RYR2: variants seen among roughly 807,000 people sequenced by gnomAD.
The protein encoded by RYR2 is ryanodine receptor 2.
Under a neutral mutation model 601.1 loss-of-function variants are expected in RYR2, and 227 were observed. The observed-to-expected ratio is 0.38, with a 90% CI of 0.34 to 0.42. The LOEUF (loss-of-function observed/expected upper bound fraction) is 0.42, where lower values mean the gene tolerates loss of function less well. RYR2 is among the 10% of genes least tolerant of loss of function. The pLI is 1.00. For synonymous variants in RYR2, 2,223 were observed against 2,175.1 expected (o/e 1.02, Z -0.61); for missense variants, 4,646 against 6,156.5 (o/e 0.75, Z 8.21).
At chr1:237,256,225 C>A (rs145714641) in intron 1 of RYR2, among the ~76,000 whole-genome samples, 2 of 152,126 alleles carry the variant, frequency 1.3e-5, no homozygotes, top group Non-Finnish European at 2.9e-5. Flanking sequence ...TGCCTGCCGC[C>A]GTGTAAGATG....
chr1:237,670,986 G>C (rs566277603), intron 58 of RYR2, among the ~76,000 whole-genome samples: 2 of 152,114 alleles, frequency 1.3e-5, no homozygotes, highest in African/African-American at 4.8e-5. Context: ...GAGCCAGATC[G>C]ATATTTTCTT....
At chr1:237,092,192 C>T (rs1667026384) in intron 1 of RYR2, among the ~76,000 whole-genome samples, 1 of 152,146 alleles carries the variant, frequency 6.6e-6, no homozygotes, top group Non-Finnish European at 1.5e-5. Context: ...AGTCTGCCCA[C>T]CCTTGGGTTA....
At chr1:237,482,434 C>G (rs909527456) in intron 17 of RYR2, among the ~76,000 whole-genome samples, 1 of 151,908 alleles carries the variant, frequency 6.6e-6, no homozygotes, top group African/African-American at 2.4e-5. Context: ...TTAGATCTCG[C>G]AAATAAGTGA....
intron 1 of RYR2, among the ~76,000 whole-genome samples, chr1:237,158,436 A>T (rs1166543668): frequency 6.6e-6 from 1 of 152,208 alleles, no homozygotes; most frequent in African/African-American, 2.4e-5. Flanking sequence ...TTCATATTTT[A>T]TCCTTTTCAT....
At chr1:237,438,295 G>A (rs116189895) in intron 12 of RYR2, among the ~76,000 whole-genome samples, 1 of 151,998 alleles carries the variant, frequency 6.6e-6, no homozygotes, top group African/African-American at 2.4e-5. Context: ...GCATTGATTT[G>A]TATTGCCTAT....
intron 1 of RYR2, among the ~76,000 whole-genome samples, chr1:237,198,693 T>A (rs1414205249): frequency 6.6e-6 from 1 of 152,124 alleles, no homozygotes; most frequent in African/African-American, 2.4e-5. Context: ...AAATAAATAA[T>A]CTTCCCATTG....
At chr1:237,131,364 G>A (rs866501384) in intron 1 of RYR2, among the ~76,000 whole-genome samples, 1 of 152,018 alleles carries the variant, frequency 6.6e-6, no homozygotes, top group African/African-American at 2.4e-5. Context: ...GGAATGTTTA[G>A]TATTCAATAA....
intron 4 of RYR2, among the ~76,000 whole-genome samples, chr1:237,357,486 T>TAAATAGC (rs912722266): frequency 1.3e-5 from 2 of 152,364 alleles, no homozygotes; most frequent in African/African-American, 4.8e-5. Context: ...ACTTACTTTG[T>TAAATAGC]AAATAGCACT....
At chr1:237,573,193 G>A (rs1244597586) in intron 29 of RYR2, among the ~76,000 whole-genome samples, 1 of 151,356 alleles carries the variant, frequency 6.6e-6, no homozygotes, top group Non-Finnish European at 1.5e-5. Flanking sequence ...TGGTAAGATG[G>A]ATAAATGTAG....
At chr1:237,374,835 A>T in intron 7 of RYR2, 40 bp downstream of exon 7, 1 of 1,516,756 alleles carries the variant, frequency 6.6e-7, no homozygotes, top group Non-Finnish European at 9.1e-7. Flanking sequence ...TTCAGAGAGA[A>T]CCCTGCAGGG....
At chr1:237,224,889 C>T (rs1180163068) in intron 1 of RYR2, among the ~76,000 whole-genome samples, 2 of 152,128 alleles carry the variant, frequency 1.3e-5, no homozygotes, top group Non-Finnish European at 2.9e-5. Flanking sequence ...TTACTATTTT[C>T]ATCCCCACTT....
At position 237,132,247 on chromosome 1, in the gene RYR2, T is replaced by C. The variant is rs539595955; in HGVS notation, c.48+89678T>C. Among the ~76,000 whole-genome samples the C allele has an allele frequency of 7.9e-5, 12 of 152,332 alleles. No individual in the cohort carries two copies. The East Asian group carries it at 1.2e-3, about 15-fold the overall frequency. ...ATAGCGGGGCCTGTGTGGAGATGAA[T>C]TGAGCCTTCTGCCAACAACTAGGAC... is the stretch of plus-strand genomic sequence containing the variant. On this transcript the variant is annotated intron_variant, in intron 1 of 104. Transcript: ENST00000366574.
intron 40 of RYR2, among the ~76,000 whole-genome samples, chr1:237,627,196 A>G (rs753013467): frequency 6.6e-5 from 10 of 152,174 alleles, no homozygotes; most frequent in Admixed American, 2.0e-4. Flanking sequence ...TACATTTACT[A>G]TGTTTCATGT....
At chr1:237,396,327 A>G (rs1260606004) in intron 10 of RYR2, among the ~76,000 whole-genome samples, 1 of 152,214 alleles carries the variant, frequency 6.6e-6, no homozygotes, top group Non-Finnish European at 1.5e-5. Flanking sequence ...GAGTAACTCT[A>G]CATACGGGAA....
chr1:237,228,069 C>T (rs918703882), intron 1 of RYR2, among the ~76,000 whole-genome samples: 6 of 152,024 alleles, frequency 3.9e-5, no homozygotes, highest in African/African-American at 1.4e-4. Context: ...TTGGTACACC[C>T]ATCACCCGAG....
chr1:237,435,673 A>T (rs534814043), intron 12 of RYR2, among the ~76,000 whole-genome samples: 1 of 152,228 alleles, frequency 6.6e-6, no homozygotes, highest in African/African-American at 2.4e-5. Flanking sequence ...AACATATCAT[A>T]ATTTGATAGT....
chr1:237,651,046 T>G (rs2148802138), intron 50 of RYR2, among the ~76,000 whole-genome samples: 1 of 152,346 alleles, frequency 6.6e-6, no homozygotes, highest in African/African-American at 2.4e-5. Context: ...CCCTCTTCTT[T>G]TTCTTCTTAC....
In RYR2 at chr1:237,577,933, A is replaced by T. The variant is rs191945323; in HGVS notation, c.3598+8614A>T. On this transcript the variant is annotated intron_variant, in intron 29 of 104. Coordinates refer to ENST00000366574, the MANE Select transcript of RYR2 (RefSeq NM_001035.3). The stretch of plus-strand genomic sequence containing the variant: ...TTCTCCTCCCTCAACCTCCCAAGTA[A>T]CTTGGATTCCAGGCACATGCCACCA... Among the ~76,000 whole-genome samples the T allele has an allele frequency of 2.0e-4, 30 of 152,150 alleles. No homozygotes were observed. The East Asian group carries it at 5.6e-3, about 29-fold the overall frequency.
At chr1:237,803,380 T>C (rs1372063339) in intron 98 of RYR2, among the ~76,000 whole-genome samples, 1 of 152,020 alleles carries the variant, frequency 6.6e-6, no homozygotes, top group Non-Finnish European at 1.5e-5. Flanking sequence ...CTCCGCTCAC[T>C]GCAAGCTCCG....
Sources: allele counts gnomAD v4.1 joint callset (sites outside exome capture counted in the v4.1 genomes callset), GRCh38; gene constraint gnomAD v4.1.1; transcripts MANE v1.5; gene names NCBI Gene and HGNC (gene_info 2026-07-23, HGNC 2026-07-21).